RBM19: variants seen among roughly 807,000 people sequenced by gnomAD.
RBM19 encodes the protein RNA binding motif protein 19.
Under a neutral mutation model 116.8 loss-of-function variants are expected in RBM19, and 94 were observed. The observed-to-expected ratio is 0.80, with a 90% CI of 0.68 to 0.95. The LOEUF is 0.95. Among genes scored for constraint, RBM19 ranks in the 40% least tolerant of loss-of-function variants. RBM19 has a pLI of 0.00. For synonymous variants in RBM19, 475 were observed against 494.1 expected (o/e 0.96, Z 0.51); for missense variants, 1,161 against 1,220.7 (o/e 0.95, Z 0.73).
intron 21 of RBM19, among the ~76,000 whole-genome samples, chr12:113,876,668 G>A (rs1000485358): frequency 2.6e-5 from 4 of 152,090 alleles, no homozygotes; most frequent in African/African-American, 9.7e-5. Flanking sequence ...GTGTGTGCCT[G>A]TGTTCCCAGA....
At chr12:113,833,691 G>A (rs146459068) in intron 23 of RBM19, among the ~76,000 whole-genome samples, 6 of 152,164 alleles carry the variant, frequency 3.9e-5, no homozygotes, top group African/African-American at 1.4e-4. Flanking sequence ...ATTTGGAATC[G>A]CTCCTTCCCC....
intron 21 of RBM19, among the ~76,000 whole-genome samples, chr12:113,870,255 G>A (rs1879119639): frequency 6.6e-6 from 1 of 152,148 alleles, no homozygotes; most frequent in Admixed American, 6.5e-5. Flanking sequence ...TGATGGCCAC[G>A]CCTCCTGAAA....
In RBM19 at chr12:113,889,677, A is replaced by C. The variant is rs566534513; in HGVS notation, c.2558+25292T>G. ...AAAACAAAAACAAACAAACAACAAA[A>C]AAAAAAACAAAAAGACCCCAAAACC... On this transcript the variant is annotated intron_variant, in intron 21 of 23. Transcript: ENST00000261741. Among the ~76,000 whole-genome samples the C allele has an allele frequency of 5.8e-3, 783 of 135,638 alleles. 9 individuals are homozygous for C. The highest frequency in any genetic ancestry group is 0.02 in the African/African-American group (661 of 33,776). 89.0% of individuals were successfully genotyped at this position (135,638 alleles called of 152,430 possible).
intron 14 of RBM19, among the ~76,000 whole-genome samples, chr12:113,941,088 C>T (rs552545022): frequency 4.6e-5 from 7 of 152,298 alleles, no homozygotes; most frequent in South Asian, 2.1e-4. Context: ...TTAGCTCAGC[C>T]GCTAATGTAA....
At chr12:113,837,617 C>T (rs866290309) in intron 23 of RBM19, among the ~76,000 whole-genome samples, 2 of 152,152 alleles carry the variant, frequency 1.3e-5, no homozygotes, top group African/African-American at 2.4e-5. Context: ...GGTCACAGAA[C>T]GGGTATGAGG....
chr12:113,832,980 C>A (rs1192270437), intron 23 of RBM19, among the ~76,000 whole-genome samples: 1 of 152,110 alleles, frequency 6.6e-6, no homozygotes, highest in Non-Finnish European at 1.5e-5. Flanking sequence ...GGGGGGTTAA[C>A]TCTTGCAGGC....
chr12:113,874,407 C>G (rs996977064), intron 21 of RBM19, among the ~76,000 whole-genome samples: 1 of 152,150 alleles, frequency 6.6e-6, no homozygotes, highest in Admixed American at 6.5e-5. Flanking sequence ...GAGCACCTGC[C>G]CTGGCCATGC....
At chr12:113,834,305 C>A (rs1008723771) in intron 23 of RBM19, among the ~76,000 whole-genome samples, 16 of 152,162 alleles carry the variant, frequency 1.1e-4, no homozygotes, top group African/African-American at 3.9e-4. Flanking sequence ...TCCAGGGAAG[C>A]TGGAGATCTA....
At chr12:113,924,322 T>C (rs1868861940) in intron 18 of RBM19, among the ~76,000 whole-genome samples, 1 of 152,214 alleles carries the variant, frequency 6.6e-6, no homozygotes. Context: ...GGTTGTTTCT[T>C]GCTATTTCCT....
At chr12:113,879,591 C>T (rs921678888) in intron 21 of RBM19, among the ~76,000 whole-genome samples, 3 of 151,844 alleles carry the variant, frequency 2.0e-5, no homozygotes, top group African/African-American at 7.3e-5. Flanking sequence ...TCCTCCTACG[C>T]CCCGCTTCCA....
At chr12:113,865,846 G>A (rs1593504309) in intron 21 of RBM19, among the ~76,000 whole-genome samples, 2 of 151,896 alleles carry the variant, frequency 1.3e-5, no homozygotes. Flanking sequence ...AAAGGGGGCA[G>A]GGGGGCCAGC....
At chr12:113,861,149 T>C (rs1443410399) in intron 21 of RBM19, among the ~76,000 whole-genome samples, 1 of 152,216 alleles carries the variant, frequency 6.6e-6, no homozygotes, top group East Asian at 1.9e-4. Context: ...AAGCTCTCTT[T>C]CTGCTGCACA....
At chr12:113,962,672 T>C (rs953830837) in intron 1 of RBM19, among the ~76,000 whole-genome samples, 10 of 152,226 alleles carry the variant, frequency 6.6e-5, no homozygotes, top group African/African-American at 1.9e-4. Context: ...TCCTACCCTA[T>C]GGGGCTCCTA....
At chr12:113,915,147 T>G in intron 20 of RBM19, 62 bp from the exon 21 acceptor site, 1 of 1,275,908 alleles carries the variant, frequency 7.8e-7, no homozygotes, top group Non-Finnish European at 1.1e-6. Flanking sequence ...TGCCCAACAT[T>G]GACTCCACTA....
intron 23 of RBM19, among the ~76,000 whole-genome samples, chr12:113,839,113 A>G (rs998114472): frequency 5.9e-5 from 9 of 152,222 alleles, no homozygotes; most frequent in Admixed American, 5.9e-4. Context: ...GGCAGAGTTC[A>G]GGGCCGAGGC....
In RBM19 at chr12:113,945,899, T is replaced by C; in HGVS notation, c.1555A>G (p.Met519Val). The C allele has an allele frequency of 6.3e-7, 1 of 1,585,714 alleles. No individual in the cohort carries two copies. Among genetic ancestry groups the C allele is most frequent in the Non-Finnish European group, 8.7e-7 (1 of 1,154,200 alleles). The change falls in exon 13 of 24, where the codon ATG becomes GTG. Residue 519 changes from methionine (M) to valine (V), a missense_variant. Met to Val is a conservative substitution (Grantham distance 21). Transcript: ENST00000261741. ...ASSHNWNTLF[M>V]GPNAVADAIA... The stretch of plus-strand genomic sequence containing the variant: ...GCATCGGCCACGGCATTCGGCCCCA[T>C]GAATAGTGTGTTCCAGTTGTGAGAG...
At chr12:113,946,525 C>T (rs990153785) in intron 11 of RBM19, 50 bp from the exon 12 acceptor site, 2 of 1,611,008 alleles carry the variant, frequency 1.2e-6, no homozygotes, top group African/African-American at 1.3e-5. Flanking sequence ...GCCTGTAAGC[C>T]CTGCTTCCTG....
intron 21 of RBM19, among the ~76,000 whole-genome samples, chr12:113,883,261 T>A (rs540966588): frequency 6.6e-6 from 1 of 152,228 alleles, no homozygotes. Flanking sequence ...GCAGGTGGTG[T>A]TCTGGACAAC....
At chr12:113,872,228 G>A (rs1334856610) in intron 21 of RBM19, among the ~76,000 whole-genome samples, 5 of 147,114 alleles carry the variant, frequency 3.4e-5, no homozygotes, top group Non-Finnish European at 1.5e-5. Flanking sequence ...CCCTGTCTGG[G>A]AGGTGAGGAG....
Sources: gnomAD v4.1 joint callset for allele counts (sites outside exome capture counted in the v4.1 genomes callset) on GRCh38, gnomAD v4.1.1 for gene constraint, MANE v1.5 for transcripts, NCBI Gene and HGNC (gene_info 2026-07-23, HGNC 2026-07-21) for gene names.